The following FAM53A variants were observed in gnomAD, a reference collection of about 807,000 sequenced individuals.
The protein encoded by FAM53A is family with sequence similarity 53 member A.
A neutral mutation model predicts 26.6 loss-of-function variants in FAM53A; 28 were observed. That is an observed-to-expected ratio of 1.05 (90% CI 0.78 to 1.45). The LOEUF (loss-of-function observed/expected upper bound fraction) is 1.45, where lower values mean the gene tolerates loss of function less well. Ranked by LOEUF, FAM53A falls within the 40% of genes most tolerant of loss-of-function variation. FAM53A has a pLI of 0.00. For synonymous variants in FAM53A, 290 were observed against 253.1 expected (o/e 1.15, Z -1.38); for missense variants, 650 against 575.8 (o/e 1.13, Z -1.32).
chr4:1,644,325 G>T, intron 4 of FAM53A: 1 of 1,535,912 alleles, frequency 6.5e-7, no homozygotes, highest in Non-Finnish European at 8.7e-7. Flanking sequence ...ACTCGCACTC[G>T]CGGGCACAGC....
the FAM53A span, among the ~76,000 whole-genome samples, chr4:1,598,316 G>C: frequency 6.6e-6 from 1 of 152,272 alleles, no homozygotes; most frequent in Non-Finnish European, 1.5e-5. Flanking sequence ...CGGGAAAAAC[G>C]TGGGGCCAAC....
chr4:1,646,245 C>A (rs1292965045), intron 4 of FAM53A, among the ~76,000 whole-genome samples: 1 of 152,110 alleles, frequency 6.6e-6, no homozygotes, highest in South Asian at 2.1e-4. Context: ...GGAATACAGG[C>A]GTCCGCCACC....
intron 4 of FAM53A, chr4:1,644,601 C>T (rs959849572): frequency 3.1e-5 from 14 of 450,542 alleles, no homozygotes; most frequent in Non-Finnish European, 4.4e-5. Context: ...GGCTCCGTCC[C>T]AGCTCCTGCT....
chr4:1,577,201 G>A, the FAM53A span, among the ~76,000 whole-genome samples: 4 of 152,198 alleles, frequency 2.6e-5, no homozygotes, highest in East Asian at 1.9e-4. Flanking sequence ...CACTCACTGG[G>A]ACACTGCAGG....
chr4:1,653,210 C>T (rs899007737), intron 4 of FAM53A, among the ~76,000 whole-genome samples: 7 of 152,126 alleles, frequency 4.6e-5, no homozygotes, highest in African/African-American at 1.7e-4. Flanking sequence ...CAACACACCA[C>T]ACACCCGGGT....
At chr4:1,587,428 T>G in the FAM53A span, among the ~76,000 whole-genome samples, 1 of 152,180 alleles carries the variant, frequency 6.6e-6, no homozygotes, top group Non-Finnish European at 1.5e-5. Flanking sequence ...TCCCAGCACT[T>G]TGAAAGGCCG....
chr4:1,618,820 C>T lies in FAM53A; in HGVS notation c.432-709G>A, dbSNP rs986493340. Among the ~76,000 whole-genome samples, 7 of 152,294 alleles carry T rather than the reference C, an allele frequency of 4.6e-5. No homozygotes were observed. The South Asian group carries it at 1.5e-3, about 32-fold the overall frequency. Reference sequence around the variant, plus strand: ...GGGGAATGCCACCGCACAGATAAGCCAGCCCCGACCCCCAGCCCCCGACCC... The same window carrying T: ...GGGGAATGCCACCGCACAGATAAGCTAGCCCCGACCCCCAGCCCCCGACCC... On this transcript the variant is annotated intron_variant, in intron 1 of 1. Coordinates refer to the FAM53A transcript ENST00000489029.
In FAM53A at chr4:1,644,218, A is replaced by T. The variant is rs760001483; in HGVS notation, c.883-2611T>A. 2.3e-5 allele frequency: 35 copies of T among 1,535,950 alleles called. No homozygotes were observed. The South Asian group carries it at 3.7e-4, about 16-fold the overall frequency. On this transcript the variant is annotated intron_variant, in intron 4 of 4. Transcript: ENST00000308132. ...AGGGGCCAGGTTTCCTTCCATTTCA[A>T]ACCACGGCGTTTTGTTTTCATTCAG... is the stretch of plus-strand genomic sequence containing the variant.
chr4:1,581,886 T>G, the FAM53A span, among the ~76,000 whole-genome samples: 1 of 150,896 alleles, frequency 6.6e-6, no homozygotes, highest in East Asian at 1.9e-4. Context: ...TGAGCCACCA[T>G]GCCCAGCATT....
chr4:1,679,273 G>C (rs1715240684), intron 1 of FAM53A, among the ~76,000 whole-genome samples: 1 of 150,854 alleles, frequency 6.6e-6, no homozygotes, highest in Non-Finnish European at 1.5e-5. Flanking sequence ...TGTAATCCCA[G>C]CTACTCAGGA....
At chr4:1,610,228 C>A in the FAM53A span, among the ~76,000 whole-genome samples, 18 of 152,052 alleles carry the variant, frequency 1.2e-4, no homozygotes, top group Non-Finnish European at 2.2e-4. Flanking sequence ...CTCCCTACAC[C>A]CCACTCAACG....
At chr4:1,588,100 G>A in the FAM53A span, among the ~76,000 whole-genome samples, 6 of 152,102 alleles carry the variant, frequency 3.9e-5, no homozygotes, top group African/African-American at 9.7e-5. Flanking sequence ...AGCCATCGGC[G>A]GCTGTGATGC....
In FAM53A at chr4:1,655,623, A is replaced by G; in HGVS notation, c.237T>C (p.Ala79=). 1 of 1,594,428 alleles carries G rather than the reference A, an allele frequency of 6.3e-7. No homozygotes were observed. The change falls in exon 4 of 5, where the codon GCT becomes GCC. Residue 79 remains alanine, a synonymous_variant. Coordinates refer to ENST00000308132, the MANE Select transcript of FAM53A (RefSeq NM_001174070.3). ...GCTGCCACTGAAGACCCATGGTGTG[A>G]GCGGCAGCAGACAGGCCCGGCAGGA... The part of the protein sequence containing the change: ...FSFLPGLSAA[A]HTMGLQWQPQ...
At chr4:1,594,878 A>G in the FAM53A span, among the ~76,000 whole-genome samples, 23 of 152,338 alleles carry the variant, frequency 1.5e-4, no homozygotes, top group African/African-American at 4.6e-4. Flanking sequence ...AAGTTTTACA[A>G]AGTTCACATT....
At chr4:1,658,357 G>A (rs1333202066) in intron 2 of FAM53A, among the ~76,000 whole-genome samples, 3 of 152,186 alleles carry the variant, frequency 2.0e-5, no homozygotes, top group African/African-American at 7.2e-5. Context: ...CATGCATCCT[G>A]TCCCTGCTCC....
the FAM53A span, among the ~76,000 whole-genome samples, chr4:1,576,251 A>G: frequency 6.6e-6 from 1 of 152,216 alleles, no homozygotes; most frequent in Non-Finnish European, 1.5e-5. Context: ...TGCCGGGGTA[A>G]TATGTGCTCA....
At chr4:1,670,138 G>A (rs950293239) in intron 1 of FAM53A, among the ~76,000 whole-genome samples, 4 of 152,208 alleles carry the variant, frequency 2.6e-5, no homozygotes, top group African/African-American at 9.6e-5. Context: ...GAAGGCAGGC[G>A]GCATCCAAGT....
chr4:1,670,601 G>A (rs1483605616), intron 1 of FAM53A, among the ~76,000 whole-genome samples: 1 of 152,180 alleles, frequency 6.6e-6, no homozygotes, highest in East Asian at 1.9e-4. Flanking sequence ...GCTCAGCACT[G>A]ACCACTCCCA....
chr4:1,587,393 C>T, the FAM53A span, among the ~76,000 whole-genome samples: 6 of 152,112 alleles, frequency 3.9e-5, no homozygotes, highest in Admixed American at 2.0e-4. Flanking sequence ...CCTTTCTGGC[C>T]GGGCACAGTG....
Sources: gnomAD v4.1 joint callset for allele counts (sites outside exome capture counted in the v4.1 genomes callset) on GRCh38, gnomAD v4.1.1 for gene constraint, MANE v1.5 for transcripts, NCBI Gene and HGNC (gene_info 2026-07-23, HGNC 2026-07-21) for gene names.